Variants in MYO9A observed in about 807,000 individuals in gnomAD.
The protein encoded by MYO9A is unconventional myosin-IXa.
In MYO9A, 103 loss-of-function variants were observed where a neutral mutation model predicts 293.3. The ratio of observed to expected loss-of-function variants is 0.35; its 90% CI spans 0.30 to 0.41. MYO9A has a LOEUF of 0.41. Ranked by LOEUF, MYO9A falls within the 10% of genes least tolerant of loss-of-function variation. The pLI, the probability that MYO9A is intolerant of heterozygous loss-of-function variation, is 1.00. For missense variants in MYO9A, 2,685 were observed against 3,033.0 expected (o/e 0.89, Z 2.69); for synonymous variants, 1,001 against 1,035.7 (o/e 0.97, Z 0.64).
At chr15:72,024,040 GA>G (rs369668299) in intron 4 of MYO9A, among the ~76,000 whole-genome samples, 8 of 150,672 alleles carry the variant, frequency 5.3e-5, no homozygotes, top group Admixed American at 2.0e-4. Context: ...ACGTTGAAAG[GA>G]AAAAAAAATT....
At chr15:72,056,860 T>C (rs1344340712) in intron 1 of MYO9A, among the ~76,000 whole-genome samples, 1 of 151,970 alleles carries the variant, frequency 6.6e-6, no homozygotes. Flanking sequence ...CTGTAATCCC[T>C]GCACTTTGGG....
intron 18 of MYO9A, among the ~76,000 whole-genome samples, chr15:71,933,229 T>C (rs1427817448): frequency 6.6e-6 from 1 of 152,156 alleles, no homozygotes; most frequent in African/African-American, 2.4e-5. Flanking sequence ...CAACTAGTTA[T>C]ATCAGAAACC....
intron 34 of MYO9A, among the ~76,000 whole-genome samples, chr15:71,856,206 G>C (rs570391107): frequency 6.6e-6 from 1 of 152,146 alleles, no homozygotes; most frequent in Admixed American, 6.5e-5. Context: ...AGCTACTCAG[G>C]AGGCTGAGGC....
chr15:71,837,996 A>G (rs1351319557), intron 39 of MYO9A, among the ~76,000 whole-genome samples: 1 of 152,010 alleles, frequency 6.6e-6, no homozygotes, highest in East Asian at 1.9e-4. Context: ...TTCACTGTAT[A>G]TTCTCTTGTA....
rs141487431 is a variant in MYO9A at position 71,827,999 on chromosome 15, T to C, written c.7068A>G (p.Val2356=). 6.2e-6 allele frequency: 10 copies of C among 1,613,678 alleles called. No homozygotes were observed. The African/African-American group carries it at 6.7e-5, about 11-fold the overall frequency. Residue 2356 remains valine, a synonymous_variant, in exon 41 of 42, where the codon GTA becomes GTG. Transcript: ENST00000356056. The part of the protein sequence containing the change: ...EKEELTFEML[V]LEPRASDDET... Reference sequence around the variant, plus strand: ...CATCATCAGAGGCACGGGGTTCCAGTACAAGCATCTCAAATGTTAGCTCCT... The same window carrying C: ...CATCATCAGAGGCACGGGGTTCCAGCACAAGCATCTCAAATGTTAGCTCCT...
chr15:71,867,386 A>G (rs759905957), intron 32 of MYO9A, among the ~76,000 whole-genome samples: 7 of 152,160 alleles, frequency 4.6e-5, no homozygotes, highest in Non-Finnish European at 8.8e-5. Flanking sequence ...AAAAAAGAAG[A>G]TTCACAAGTT....
intron 32 of MYO9A, among the ~76,000 whole-genome samples, chr15:71,873,038 G>A (rs994406738): frequency 1.1e-4 from 17 of 151,442 alleles, no homozygotes; most frequent in African/African-American, 3.4e-4. Context: ...TCAGCCTCCC[G>A]AGCAGCTGGG....
chr15:72,092,888 C>T lies in MYO9A; in HGVS notation c.-72+24792G>A, dbSNP rs1481045926. Among the ~76,000 whole-genome samples the T allele has an allele frequency of 2.6e-5, 4 of 151,618 alleles. No homozygotes were observed. The East Asian group carries it at 7.8e-4, about 29-fold the overall frequency. On this transcript the variant is annotated intron_variant, in intron 1 of 41. Coordinates refer to ENST00000356056, the MANE Select transcript of MYO9A (RefSeq NM_006901.4). ...ACTTGTAACAACAAGACACACACCA[C>T]CACTTCAGCCACCACCTTACTTACA... is the stretch of plus-strand genomic sequence containing the variant.
At chr15:72,082,793 G>T (rs183467806) in intron 1 of MYO9A, among the ~76,000 whole-genome samples, 209 of 151,132 alleles carry the variant, frequency 1.4e-3, no homozygotes, top group African/African-American at 4.5e-3. Flanking sequence ...TAATCATGTG[G>T]TTTTTTTAGT....
chr15:71,879,684 T>C (rs1189051395), intron 30 of MYO9A, 37 bp downstream of exon 30: 8 of 1,462,032 alleles, frequency 5.5e-6, no homozygotes, highest in Non-Finnish European at 7.6e-6. Context: ...TTTCATATGT[T>C]GAACTACTAA....
intron 39 of MYO9A, 31 bp downstream of exon 39, chr15:71,848,814 T>C: frequency 1.3e-6 from 2 of 1,577,300 alleles, no homozygotes; most frequent in Non-Finnish European, 1.7e-6. Context: ...ACAACTCCCA[T>C]TTTTCCACTA....
chr15:72,005,500 C>T (rs1034927214), intron 8 of MYO9A, among the ~76,000 whole-genome samples: 1 of 152,168 alleles, frequency 6.6e-6, no homozygotes, highest in Non-Finnish European at 1.5e-5. Context: ...ACCTGAAATA[C>T]CTGACTAAAA....
At chr15:72,080,679 G>A (rs1159113649) in intron 1 of MYO9A, among the ~76,000 whole-genome samples, 4 of 151,956 alleles carry the variant, frequency 2.6e-5, no homozygotes, top group Non-Finnish European at 2.9e-5. Flanking sequence ...TCACATCACA[G>A]GGGTCTGCCG....
At chr15:72,085,267 C>T (rs2079680156) in intron 1 of MYO9A, among the ~76,000 whole-genome samples, 1 of 152,072 alleles carries the variant, frequency 6.6e-6, no homozygotes, top group Non-Finnish European at 1.5e-5. Context: ...GTGGCACAGG[C>T]CTGTAGCCCC....
intron 8 of MYO9A, 91 bp from the exon 9 acceptor site, chr15:72,000,031 T>A: frequency 1.0e-6 from 1 of 976,394 alleles, no homozygotes; most frequent in Non-Finnish European, 1.5e-6. Flanking sequence ...AGGAAAAGCT[T>A]AATGAGATTA....
chr15:71,830,404 C>T, intron 39 of MYO9A, 93 bp from the exon 40 acceptor site: 1 of 1,174,842 alleles, frequency 8.5e-7, no homozygotes, highest in Non-Finnish European at 1.2e-6. Flanking sequence ...TCCATCACAC[C>T]AGGTGAATGA....
intron 32 of MYO9A, among the ~76,000 whole-genome samples, chr15:71,871,618 A>G (rs2056516516): frequency 6.6e-6 from 1 of 151,348 alleles, no homozygotes; most frequent in Admixed American, 6.6e-5. Context: ...CGAGGTTGTG[A>G]GGCTGCAGTG....
At chr15:71,971,794 A>T (rs954056140) in intron 12 of MYO9A, among the ~76,000 whole-genome samples, 9 of 149,834 alleles carry the variant, frequency 6.0e-5, no homozygotes, top group Non-Finnish European at 8.9e-5. Flanking sequence ...TAAATAAATA[A>T]ATATATATAT....
In MYO9A at chr15:71,883,658, G is replaced by C. The variant is rs2056940320; in HGVS notation, c.5334C>G (p.Thr1778=). The C allele has an allele frequency of 6.2e-7, 1 of 1,613,226 alleles. No homozygotes were observed. Among genetic ancestry groups the C allele is most frequent in the South Asian group, 1.1e-5 (1 of 91,048 alleles). Residue 1778 remains threonine (T), a synonymous_variant, in exon 28 of 42, where the codon ACC becomes ACG. Coordinates refer to ENST00000356056, the MANE Select transcript of MYO9A (RefSeq NM_006901.4). ...CAAAGAGTGGCGAAACCTCTGACTG[G>C]GTAGTAGGTTTCACTCTGGTAGTCT... ...EKKTTRVKPT[T]QSEVSPLFAG... is the part of the protein sequence containing the mutation.
Sources: gnomAD v4.1 joint callset for allele counts (sites outside exome capture counted in the v4.1 genomes callset) on GRCh38, gnomAD v4.1.1 for gene constraint, MANE v1.5 for transcripts, NCBI Gene and HGNC (gene_info 2026-07-23, HGNC 2026-07-21) for gene names.